The following FAAH2 variants were observed in gnomAD, a reference collection of about 807,000 sequenced individuals.
FAAH2 encodes the protein fatty-acid amide hydrolase 2.
A neutral mutation model predicts 36.9 loss-of-function variants in FAAH2; 60 were observed. The ratio of observed to expected loss-of-function variants is 1.63; its 90% CI spans 1.32 to 2.02. The LOEUF is 2.02. Ranked by LOEUF, FAAH2 falls within the 30% of genes most tolerant of loss-of-function variation. The pLI is 0.00. For missense variants in FAAH2, 689 were observed against 397.5 expected (o/e 1.73, Z -6.23); for synonymous variants, 214 against 143.8 (o/e 1.49, Z -3.49).
chrX:57,436,821 A>C (rs1239059827), intron 8 of FAAH2, among the ~76,000 whole-genome samples: 1 of 111,137 alleles, frequency 9.0e-6, no homozygotes, highest in Non-Finnish European at 1.9e-5. Context: ...AAGAATAAAC[A>C]GTTCTTTTGA....
chrX:57,480,534 C>T (rs1003488622), intron 10 of FAAH2, among the ~76,000 whole-genome samples: 3 of 111,334 alleles, frequency 2.7e-5, no homozygotes, highest in East Asian at 2.8e-4. Context: ...GGTTTGGAAA[C>T]GATTTTCTTT....
chrX:57,143,417 T>A, the FAAH2 span, among the ~76,000 whole-genome samples: 1 of 110,660 alleles, frequency 9.0e-6, no homozygotes, highest in South Asian at 3.9e-4. Context: ...CATCCCCCCT[T>A]ACGACTTTTT....
intron 8 of FAAH2, among the ~76,000 whole-genome samples, chrX:57,444,136 G>T (rs763190497): frequency 5.3e-5 from 6 of 112,373 alleles, no homozygotes; most frequent in East Asian, 2.8e-4. Flanking sequence ...TCTCTTCAAA[G>T]CTGTCAGACA....
At chrX:57,303,218 T>C (rs1273257915) in intron 2 of FAAH2, among the ~76,000 whole-genome samples, 1 of 111,967 alleles carries the variant, frequency 8.9e-6, no homozygotes, top group African/African-American at 3.2e-5. Context: ...CTGTCTTGCA[T>C]GAACAAATAT....
At chrX:57,479,361 G>T (rs1602822340) in intron 10 of FAAH2, among the ~76,000 whole-genome samples, 1 of 112,008 alleles carries the variant, frequency 8.9e-6, no homozygotes, top group Non-Finnish European at 1.9e-5. Context: ...CTTTGCTGAA[G>T]TTGCTTATCA....
chrX:57,174,517 T>G, the FAAH2 span, among the ~76,000 whole-genome samples: 1 of 112,034 alleles, frequency 8.9e-6, no homozygotes, highest in Non-Finnish European at 1.9e-5. Context: ...TCTACCAATT[T>G]TGTTTATCTT....
the FAAH2 span, among the ~76,000 whole-genome samples, chrX:57,276,239 C>T: frequency 1.8e-5 from 2 of 112,108 alleles, no homozygotes; most frequent in South Asian, 3.7e-4. Context: ...GACCACAGTG[C>T]CATCAAGTTA....
chrX:57,293,702 C>T (rs187766697), intron 2 of FAAH2, among the ~76,000 whole-genome samples: 12 of 111,309 alleles, frequency 1.1e-4, no homozygotes, highest in Admixed American at 6.7e-4. Context: ...AAAGGAGTTT[C>T]GAAGAAGGGG....
rs762675391 is a variant in FAAH2 at position 57,338,933 on chromosome X, CA to C, written c.623-2332del. Among the ~76,000 whole-genome samples the C allele has an allele frequency of 7.2e-5, 8 of 111,148 alleles. No homozygotes were observed. In the South Asian group the frequency reaches 2.3e-3, roughly 31 times the overall value. On this transcript the variant is annotated intron_variant, in intron 4 of 10. Transcript: ENST00000374900. Reference sequence around the variant, plus strand: ...ACCTATTTTAAAATTCACGTGGAGACAAAAAAGAGCCCGAGTAGCCAAGACA... The same window carrying C: ...ACCTATTTTAAAATTCACGTGGAGACAAAAAGAGCCCGAGTAGCCAAGACA...
chrX:57,393,112 C>G, intron 7 of FAAH2: 7 of 988,949 alleles, frequency 7.1e-6, no homozygotes, highest in Non-Finnish European at 1.0e-5. Flanking sequence ...CATCAAAAGC[C>G]CTCTGTTCTC....
At chrX:57,335,931 G>A (rs2053539066) in intron 4 of FAAH2, among the ~76,000 whole-genome samples, 1 of 111,685 alleles carries the variant, frequency 9.0e-6, no homozygotes, top group Non-Finnish European at 1.9e-5. Context: ...ATCCTGCACA[G>A]CCCTTAATCC....
chrX:57,456,919 G>A (rs910673198), intron 10 of FAAH2, among the ~76,000 whole-genome samples: 1 of 111,739 alleles, frequency 8.9e-6, no homozygotes. Context: ...TCGAAGAAGA[G>A]TCTTCTCCCT....
At chrX:57,175,632 G>T in the FAAH2 span, among the ~76,000 whole-genome samples, 1 of 110,658 alleles carries the variant, frequency 9.0e-6, no homozygotes, top group Non-Finnish European at 1.9e-5. Flanking sequence ...TAGATATTTT[G>T]TTTTCTTTAT....
intron 8 of FAAH2, among the ~76,000 whole-genome samples, chrX:57,439,421 T>C (rs1369343485): frequency 2.7e-5 from 3 of 112,034 alleles, no homozygotes; most frequent in Non-Finnish European, 3.8e-5. Flanking sequence ...TGTCTGTTCA[T>C]ATCCTTCGCC....
the FAAH2 span, among the ~76,000 whole-genome samples, chrX:57,198,804 A>G: frequency 1.4e-4 from 16 of 111,917 alleles, no homozygotes; most frequent in Non-Finnish European, 2.3e-4. Context: ...TTCTACTTTT[A>G]TATTTCACCT....
At chrX:57,335,036 A>G (rs2147023068) in intron 4 of FAAH2, among the ~76,000 whole-genome samples, 1 of 111,971 alleles carries the variant, frequency 8.9e-6, no homozygotes, top group Non-Finnish European at 1.9e-5. Flanking sequence ...CCCCCAAACA[A>G]TAGAAAACAC....
intron 7 of FAAH2, among the ~76,000 whole-genome samples, chrX:57,396,784 C>CAGAT (rs928511884): frequency 9.0e-6 from 1 of 111,640 alleles, no homozygotes; most frequent in African/African-American, 3.3e-5. Context: ...GTTCTATATG[C>CAGAT]AGATAAGAAA....
the FAAH2 span, among the ~76,000 whole-genome samples, chrX:57,278,647 AC>A: frequency 4.6e-5 from 5 of 107,597 alleles, no homozygotes; most frequent in Middle Eastern, 4.7e-3. Context: ...ACAAAAAAAA[AC>A]CTATCATCAG....
the FAAH2 span, chrX:57,229,056 T>A: frequency 1.8e-5 from 2 of 110,403 alleles, no homozygotes; most frequent in Non-Finnish European, 3.8e-5. Context: ...ACATCTAAGA[T>A]GACGGAAATT....
Sources: gnomAD v4.1 joint callset for allele counts (sites outside exome capture counted in the v4.1 genomes callset) on GRCh38, gnomAD v4.1.1 for gene constraint, MANE v1.5 for transcripts, NCBI Gene and HGNC (gene_info 2026-07-23, HGNC 2026-07-21) for gene names.